Variants in MIPOL1 observed in about 807,000 individuals in gnomAD.
MIPOL1 encodes mirror-image polydactyly gene 1 protein.
In MIPOL1, 57 loss-of-function variants were observed where a neutral mutation model predicts 60.9. The ratio of observed to expected loss-of-function variants is 0.94; its 90% confidence interval spans 0.76 to 1.17. The LOEUF (loss-of-function observed/expected upper bound fraction) is 1.17. Among genes scored for constraint, MIPOL1 ranks in the 50% most tolerant of loss-of-function variants. The pLI, the probability that MIPOL1 is intolerant of heterozygous loss-of-function variation, is 0.00. For missense variants in MIPOL1, 551 were observed against 511.6 expected, an observed-to-expected ratio of 1.08 and a Z score of -0.74; for synonymous variants, 179 against 168.8, an observed-to-expected ratio of 1.06 and a Z score of -0.47.
intron 3 of MIPOL1, among the ~76,000 whole-genome samples, chr14:37,262,420 G>C (rs1188354394): frequency 6.6e-6 from 1 of 151,948 alleles, no homozygotes; most frequent in African/African-American, 2.4e-5. Flanking sequence ...GGAAAAGGAA[G>C]TCTTATATTT....
chr14:37,491,372 T>A (rs756346599), intron 11 of MIPOL1, among the ~76,000 whole-genome samples: 3 of 152,042 alleles, frequency 2.0e-5, no homozygotes, highest in Non-Finnish European at 2.9e-5. Context: ...TTACCAAAAA[T>A]ACAAAAATTA....
chr14:37,222,558 C>T (rs1350320662), intron 1 of MIPOL1, among the ~76,000 whole-genome samples: 1 of 152,062 alleles, frequency 6.6e-6, no homozygotes. Flanking sequence ...TGGGCATGGA[C>T]ATAATTAAAC....
At chr14:37,356,888 C>T (rs951064949) in intron 9 of MIPOL1, among the ~76,000 whole-genome samples, 3 of 152,178 alleles carry the variant, frequency 2.0e-5, no homozygotes, top group African/African-American at 7.2e-5. Context: ...ACGCTGGGAG[C>T]TGTAGACCGG....
intron 11 of MIPOL1, among the ~76,000 whole-genome samples, chr14:37,461,108 T>C (rs2094533655): frequency 6.6e-6 from 1 of 152,206 alleles, no homozygotes; most frequent in Non-Finnish European, 1.5e-5. Context: ...CTTCAAATTA[T>C]ACTACAAGGC....
Position 37,548,793 on chromosome 14 carries a change from A to G in MIPOL1, c.*1822A>G, listed in dbSNP as rs1205399763. On this transcript the variant is annotated 3_prime_UTR_variant, in exon 13 of 13. Coordinates refer to ENST00000684589, the MANE Select transcript of MIPOL1 (RefSeq NM_001388067.1). ...TTGTCTTTTAGAATACACAAAATAT[A>G]GTATAAAGACATTTCACAATTTCCA... is the stretch of plus-strand genomic sequence containing the variant. The G allele has an allele frequency of 1.3e-5, 2 of 152,054 alleles. No individual in the cohort carries two copies. The highest frequency in any genetic ancestry group is 6.5e-5 in the Admixed American group (1 of 15,272). The allele number at this position is 152,054 out of a possible 1,614,324, so 9.4% of individuals were successfully genotyped here.
At chr14:37,481,114 C>A (rs934362017) in intron 11 of MIPOL1, among the ~76,000 whole-genome samples, 6 of 152,114 alleles carry the variant, frequency 3.9e-5, no homozygotes, top group African/African-American at 1.4e-4. Context: ...GGACTCCAGC[C>A]TGGGTGGCAG....
At chr14:37,211,928 G>A (rs1048386202) in intron 1 of MIPOL1, among the ~76,000 whole-genome samples, 13 of 151,936 alleles carry the variant, frequency 8.6e-5, no homozygotes, top group African/African-American at 1.7e-4. Context: ...CCCACTCCAC[G>A]TCCTAGCTCC....
intron 9 of MIPOL1, among the ~76,000 whole-genome samples, chr14:37,345,108 AT>A (rs2090852224): frequency 2.0e-5 from 3 of 150,908 alleles, no homozygotes. Context: ...TTTTTATTTT[AT>A]TTTTTTGAGG....
chr14:37,325,698 T>A (rs73257967), intron 9 of MIPOL1, among the ~76,000 whole-genome samples: 3,389 of 152,156 alleles, frequency 0.022, 138 homozygotes, highest in African/African-American at 0.077. Context: ...TTGAAGGATA[T>A]TTTCACTAGA....
chr14:37,407,817 AT>A (rs2093613387), intron 10 of MIPOL1, among the ~76,000 whole-genome samples: 1 of 73,148 alleles, frequency 1.4e-5, no homozygotes, highest in Admixed American at 1.3e-4. Flanking sequence ...AGTATGCTTT[AT>A]TTTTTCTTTT....
rs1248457745 is a variant in MIPOL1, at chr14:37,476,923, C to T, written c.1032-22985C>T. Among the ~76,000 whole-genome samples the T allele has an allele frequency of 7.7e-4, 80 of 103,552 alleles. 1 individual carries two copies. The South Asian group carries it at 0.024, about 31-fold the overall frequency. The allele number at this position is 103,552 out of a possible 152,430, so 67.9% of individuals were successfully genotyped here. A position where few individuals can be genotyped will look rare whatever the true frequency, so the allele number is the denominator to read the frequency against. ...TTTTTTTTTTTTTTTTTTTTTGAGA[C>T]GGAGACTTTCTCTGTCACCCAGGCT... On this transcript the variant is annotated intron_variant, in intron 11 of 12. Coordinates refer to ENST00000684589, the MANE Select transcript of MIPOL1 (RefSeq NM_001388067.1).
intron 10 of MIPOL1, chr14:37,400,042 A>G (rs1323761702): frequency 6.6e-6 from 1 of 152,154 alleles, no homozygotes; most frequent in African/African-American, 2.4e-5. Context: ...TGAAGATAAA[A>G]TTTTGCCTGG....
At chr14:37,470,495 T>C (rs1282770838) in intron 11 of MIPOL1, among the ~76,000 whole-genome samples, 1 of 152,052 alleles carries the variant, frequency 6.6e-6, no homozygotes, top group Non-Finnish European at 1.5e-5. Flanking sequence ...CTCCTCTTCC[T>C]CTCTCTCTCC....
chr14:37,359,935 A>G (rs1397415251), intron 9 of MIPOL1, among the ~76,000 whole-genome samples: 1 of 152,170 alleles, frequency 6.6e-6, no homozygotes, highest in East Asian at 1.9e-4. Flanking sequence ...TTTCCCATTC[A>G]GTATAATATT....
In MIPOL1 at chr14:37,451,808, C is replaced by CTTTTTTTT. The variant is rs535978128; in HGVS notation, c.1031+28876_1031+28883dup. Reference sequence around the variant, plus strand: ...CTTAAGGTTCTTTTGTTTATTCTCTCTTTTTTTTTTTTTTTTTTTTTTTTG... The same window carrying CTTTTTTTT: ...CTTAAGGTTCTTTTGTTTATTCTCTCTTTTTTTTTTTTTTTTTTTTTTTTTTTTTTTTG... On this transcript the variant is annotated intron_variant, in intron 11 of 12. Coordinates refer to ENST00000684589, the MANE Select transcript of MIPOL1 (RefSeq NM_001388067.1). Among the ~76,000 whole-genome samples the CTTTTTTTT allele has an allele frequency of 4.0e-4, 34 of 84,572 alleles. 1 individual carries two copies. Among genetic ancestry groups the CTTTTTTTT allele is most frequent in the African/African-American group, 2.0e-3 (31 of 15,754 alleles). 55.5% of individuals were successfully genotyped at this position (84,572 alleles called of 152,430 possible). A position where few individuals can be genotyped will look rare whatever the true frequency, so the allele number is the denominator to read the frequency against.
At chr14:37,232,343 C>T (rs1471552615) in intron 1 of MIPOL1, among the ~76,000 whole-genome samples, 1 of 152,150 alleles carries the variant, frequency 6.6e-6, no homozygotes, top group African/African-American at 2.4e-5. Context: ...TAACTGTTTT[C>T]TTCACAGTGT....
intron 10 of MIPOL1, among the ~76,000 whole-genome samples, chr14:37,372,508 C>T (rs2092667110): frequency 6.6e-6 from 1 of 151,958 alleles, no homozygotes; most frequent in Non-Finnish European, 1.5e-5. Context: ...AATCCCAGCA[C>T]TTAGGGAGGC....
At chr14:37,315,913 G>C (rs552861226) in intron 9 of MIPOL1, among the ~76,000 whole-genome samples, 1 of 152,258 alleles carries the variant, frequency 6.6e-6, no homozygotes, top group African/African-American at 2.4e-5. Context: ...GGCAAAAGAG[G>C]AGGAGCCAGG....
intron 1 of MIPOL1, among the ~76,000 whole-genome samples, chr14:37,214,937 C>A (rs1567015357): frequency 6.6e-6 from 1 of 152,046 alleles, no homozygotes; most frequent in Non-Finnish European, 1.5e-5. Context: ...TGTGGAGGGC[C>A]TGACATCAGT....
Sources: allele counts gnomAD v4.1 joint callset (sites outside exome capture counted in the v4.1 genomes callset), GRCh38; gene constraint gnomAD v4.1.1; transcripts MANE v1.5; gene names NCBI Gene and HGNC (gene_info 2026-07-23, HGNC 2026-07-21).